SYNJ1: variants seen among roughly 807,000 people sequenced by gnomAD.
The protein encoded by SYNJ1 is polyphosphatidylinositol phosphatase SYNJ1.
SYNJ1 carries 78 observed loss-of-function variants against 168.2 expected under a neutral mutation model. That is an observed-to-expected ratio of 0.46 (90% confidence interval 0.39 to 0.56). SYNJ1 has a LOEUF of 0.56. SYNJ1 is among the 20% of genes least tolerant of loss of function. SYNJ1 has a pLI of 0.00. For synonymous variants in SYNJ1, 539 were observed against 548.6 expected (o/e 0.98, Z 0.24); for missense variants, 1,303 against 1,597.6 (o/e 0.82, Z 3.14).
intron 4 of SYNJ1, among the ~76,000 whole-genome samples, chr21:32,698,523 C>T (rs893019616): frequency 1.3e-5 from 2 of 152,100 alleles, no homozygotes; most frequent in African/African-American, 4.8e-5. Context: ...TAACATATGT[C>T]AATATAATAA....
At chr21:32,718,001 T>C (rs547656502) in intron 2 of SYNJ1, among the ~76,000 whole-genome samples, 1 of 152,354 alleles carries the variant, frequency 6.6e-6, no homozygotes, top group South Asian at 2.1e-4. Flanking sequence ...CATCTTGTGC[T>C]GCCTTTTGTT....
At chr21:32,692,077 T>G (rs2042045699) in intron 6 of SYNJ1, among the ~76,000 whole-genome samples, 1 of 152,192 alleles carries the variant, frequency 6.6e-6, no homozygotes. Flanking sequence ...TGTGAGAATC[T>G]TCCAGGCTAG....
chr21:32,678,035 T>G lies in SYNJ1; in HGVS notation c.1510+610A>C, dbSNP rs550209990. On this transcript the variant is annotated intron_variant, in intron 12 of 32. Coordinates refer to ENST00000674351, the MANE Select transcript of SYNJ1 (RefSeq NM_203446.3). The stretch of plus-strand genomic sequence containing the variant: ...GAGTTTTCCCGTCATGCTACTTTTA[T>G]GTGCTCACTGATAGGAGAAGTTTTT... Among the ~76,000 whole-genome samples, 4 of 152,310 alleles carry G rather than the reference T, an allele frequency of 2.6e-5. No homozygotes were observed. In the East Asian group the frequency reaches 7.7e-4, roughly 29 times the overall value.
chr21:32,674,832 C>T (rs374499461), intron 13 of SYNJ1, among the ~76,000 whole-genome samples: 1 of 152,070 alleles, frequency 6.6e-6, no homozygotes, highest in African/African-American at 2.4e-5. Context: ...TCTTATGATA[C>T]CAAGATATAG....
chr21:32,707,563 G>A (rs1031412721), intron 2 of SYNJ1, among the ~76,000 whole-genome samples: 1 of 151,890 alleles, frequency 6.6e-6, no homozygotes, highest in Non-Finnish European at 1.5e-5. Context: ...GAAACTTCTG[G>A]CTTCAAGTGA....
chr21:32,638,921 G>A lies in SYNJ1; in HGVS notation c.3902C>T (p.Ser1301Phe). The A allele has an allele frequency of 6.2e-7, 1 of 1,600,078 alleles. No individual in the cohort carries two copies. Among genetic ancestry groups the A allele is most frequent in the Non-Finnish European group, 8.5e-7 (1 of 1,171,188 alleles). The part of the protein sequence containing the change: ...RSSHSLPSEA[S>F]SQPQQEQPSG The stretch of plus-strand genomic sequence containing the variant: ...AATGAGACTTACTTGCGGTTGTGAG[G>A]AAGCTTCTGAAGGCAAGCTATGGGA... The change falls in exon 31 of 33, where the codon TCC becomes TTC. Residue 1301 changes from serine (S) to phenylalanine (F), a missense_variant. Ser to Phe is a radical substitution (Grantham distance 155, BLOSUM62 -2). Around this residue, in one of 2 missense-constraint regions of SYNJ1, gnomAD observed 383 missense variants for 388.8 expected, o/e 0.99. Coordinates refer to ENST00000674351, the MANE Select transcript of SYNJ1 (RefSeq NM_203446.3).
chr21:32,690,884 T>C (rs1020291387), intron 6 of SYNJ1, among the ~76,000 whole-genome samples: 3 of 152,204 alleles, frequency 2.0e-5, no homozygotes, highest in Non-Finnish European at 4.4e-5. Context: ...ACTGTGCCAT[T>C]GCACTCCAAT....
At chr21:32,704,351 C>T (rs529230316) in intron 2 of SYNJ1, among the ~76,000 whole-genome samples, 13 of 152,324 alleles carry the variant, frequency 8.5e-5, no homozygotes, top group African/African-American at 3.1e-4. Flanking sequence ...TAACTCCAGA[C>T]ACTCCAAATT....
At chr21:32,701,851 G>T in intron 3 of SYNJ1, 110 bp downstream of exon 3, 1 of 729,236 alleles carries the variant, frequency 1.4e-6, no homozygotes, top group Non-Finnish European at 2.1e-6. Context: ...TAGCACATGT[G>T]TAGCTTAAAT....
At chr21:32,656,284 C>G (rs778893611) in intron 21 of SYNJ1, among the ~76,000 whole-genome samples, 1 of 151,966 alleles carries the variant, frequency 6.6e-6, no homozygotes, top group Non-Finnish European at 1.5e-5. Flanking sequence ...CAAAACAAAA[C>G]AAAACAAAAC....
intron 9 of SYNJ1, among the ~76,000 whole-genome samples, chr21:32,685,223 A>G (rs1158598537): frequency 6.6e-6 from 1 of 151,396 alleles, no homozygotes; most frequent in Non-Finnish European, 1.5e-5. Flanking sequence ...TGCCTGCTCC[A>G]TAAAATGCGC....
chr21:32,704,944 T>C (rs901259214), intron 2 of SYNJ1, among the ~76,000 whole-genome samples: 1 of 151,984 alleles, frequency 6.6e-6, no homozygotes, highest in South Asian at 2.1e-4. Flanking sequence ...GGTCAAGAGA[T>C]TGAGACCATC....
At chr21:32,680,543 G>A (rs867384355) in intron 11 of SYNJ1, among the ~76,000 whole-genome samples, 20 of 151,708 alleles carry the variant, frequency 1.3e-4, no homozygotes, top group South Asian at 1.0e-3. Flanking sequence ...AAATACTTGA[G>A]AAGAAAGTAG....
Position 32,630,756 on chromosome 21 carries a change from T to G in SYNJ1, c.*1049A>C. 1 of 398,762 alleles carries G rather than the reference T, an allele frequency of 2.5e-6. No individual in the cohort carries two copies. Among genetic ancestry groups the G allele is most frequent in the Non-Finnish European group, 4.5e-6 (1 of 223,300 alleles). The allele number at this position is 398,762 out of a possible 1,614,324, so 24.7% of individuals were successfully genotyped here. On this transcript the variant is annotated 3_prime_UTR_variant, in exon 33 of 33. Transcript: ENST00000674351. ...CTAAAGTATAAGTACTTTTTATGGCTACTACTGTCTCCTATTCATCCAAAG... is the reference window on the plus strand; with the variant it reads ...CTAAAGTATAAGTACTTTTTATGGCGACTACTGTCTCCTATTCATCCAAAG...
At chr21:32,724,645 G>T (rs767331257) in intron 2 of SYNJ1, among the ~76,000 whole-genome samples, 9 of 152,234 alleles carry the variant, frequency 5.9e-5, no homozygotes, top group African/African-American at 9.6e-5. Flanking sequence ...GAATACAATA[G>T]GCATTTTTAA....
chr21:32,696,706 T>C (rs2042225701), intron 4 of SYNJ1, among the ~76,000 whole-genome samples: 1 of 152,144 alleles, frequency 6.6e-6, no homozygotes, highest in Admixed American at 6.5e-5. Flanking sequence ...TCTTGAAGAC[T>C]CACAGCAATA....
chr21:32,718,011 T>A (rs772016368), intron 2 of SYNJ1, among the ~76,000 whole-genome samples: 6 of 152,202 alleles, frequency 3.9e-5, no homozygotes, highest in Non-Finnish European at 8.8e-5. Context: ...TGCCTTTTGT[T>A]CAAGGTCTGC....
chr21:32,710,248 G>C (rs2042778421), intron 2 of SYNJ1, among the ~76,000 whole-genome samples: 1 of 151,904 alleles, frequency 6.6e-6, no homozygotes, highest in Non-Finnish European at 1.5e-5. Context: ...AGGAGGGAGA[G>C]ATAGTAGGTA....
chr21:32,707,840 A>G (rs906896462), intron 2 of SYNJ1, among the ~76,000 whole-genome samples: 1 of 152,180 alleles, frequency 6.6e-6, no homozygotes, highest in African/African-American at 2.4e-5. Flanking sequence ...ATCATGGTGA[A>G]ACCCCGTCTC....
Sources: allele counts gnomAD v4.1 joint callset (sites outside exome capture counted in the v4.1 genomes callset), GRCh38; gene constraint gnomAD v4.1.1; regional missense constraint gnomAD v4.1.1; transcripts MANE v1.5; gene names NCBI Gene and HGNC (gene_info 2026-07-23, HGNC 2026-07-21).